GRIN2B: variants seen among roughly 807,000 people sequenced by gnomAD.
GRIN2B encodes the protein glutamate ionotropic receptor NMDA type subunit 2B.
In GRIN2B, 5 loss-of-function variants were observed where a neutral mutation model predicts 114.5. The observed-to-expected ratio is 0.04, with a 90% CI of 0.02 to 0.09. The LOEUF (loss-of-function observed/expected upper bound fraction) is 0.09. Ranked by LOEUF, GRIN2B falls within the 10% of genes least tolerant of loss-of-function variation. GRIN2B has a pLI of 1.00. For missense variants in GRIN2B, 1,108 were observed against 1,943.5 expected, an observed-to-expected ratio of 0.57 and a Z score of 8.08; for synonymous variants, 787 against 745.1, an observed-to-expected ratio of 1.06 and a Z score of -0.92.
chr12:13,939,388 C>T (rs1867192045), intron 2 of GRIN2B, among the ~76,000 whole-genome samples: 1 of 151,944 alleles, frequency 6.6e-6, no homozygotes. Flanking sequence ...CTGTGGTTCA[C>T]AGGAGATCTG....
intron 3 of GRIN2B, among the ~76,000 whole-genome samples, chr12:13,810,191 C>T (rs79136280): frequency 0.035 from 5,255 of 151,830 alleles, 95 homozygotes; most frequent in Middle Eastern, 0.12. Context: ...ACTTACTTTC[C>T]GCATAGTACT....
At chr12:13,739,931 A>G (rs1863252473) in intron 4 of GRIN2B, among the ~76,000 whole-genome samples, 1 of 152,218 alleles carries the variant, frequency 6.6e-6, no homozygotes, top group African/African-American at 2.4e-5. Context: ...GAGTGAGCCC[A>G]CAAAGTGTGG....
chr12:13,700,767 G>T (rs1565505460), intron 4 of GRIN2B, among the ~76,000 whole-genome samples: 1 of 152,156 alleles, frequency 6.6e-6, no homozygotes, highest in Non-Finnish European at 1.5e-5. Flanking sequence ...CTGTGAAATT[G>T]TTAGCAGATA....
rs146696341 is a variant in GRIN2B at position 13,655,974 on chromosome 12, G to C, written c.1125+19771C>G. Among the ~76,000 whole-genome samples the C allele has an allele frequency of 1.9e-4, 29 of 152,156 alleles. No individual in the cohort carries two copies. In the East Asian group the frequency reaches 4.7e-3, roughly 24 times the overall value. On this transcript the variant is annotated intron_variant, in intron 5 of 13. Transcript: ENST00000609686. Reference sequence around the variant, plus strand: ...GTCTGTGCTGTTCCTTACCTCTTTTGAGAAAACTCCACCTCCACTCCCTTC... The same window carrying C: ...GTCTGTGCTGTTCCTTACCTCTTTTCAGAAAACTCCACCTCCACTCCCTTC...
chr12:13,592,769 A>C (rs1169030657), intron 10 of GRIN2B, among the ~76,000 whole-genome samples: 1 of 152,186 alleles, frequency 6.6e-6, no homozygotes, highest in Non-Finnish European at 1.5e-5. Flanking sequence ...CACATCCACA[A>C]AATCAAAAGC....
At chr12:13,931,622 A>G (rs1361381064) in intron 2 of GRIN2B, among the ~76,000 whole-genome samples, 1 of 152,190 alleles carries the variant, frequency 6.6e-6, no homozygotes, top group East Asian at 1.9e-4. Context: ...ACTTCTTCAA[A>G]CCTCAAGATT....
chr12:13,672,352 A>C (rs1950030047), intron 5 of GRIN2B, among the ~76,000 whole-genome samples: 2 of 152,222 alleles, frequency 1.3e-5, no homozygotes, highest in Middle Eastern at 3.4e-3. Context: ...TCCCCTGCTT[A>C]TCTGTCCAGT....
At chr12:13,930,329 G>A (rs1458663533) in intron 2 of GRIN2B, among the ~76,000 whole-genome samples, 2 of 152,176 alleles carry the variant, frequency 1.3e-5, no homozygotes, top group Admixed American at 1.3e-4. Context: ...TTCAATGGGG[G>A]CATTTGGCCA....
chr12:13,744,831 C>T (rs374774115), intron 4 of GRIN2B, among the ~76,000 whole-genome samples: 2 of 152,114 alleles, frequency 1.3e-5, no homozygotes, highest in South Asian at 2.1e-4. Context: ...CGGAAGAGGA[C>T]GCGCCACCAA....
rs766946947 is a variant in GRIN2B, at chr12:13,563,900, G to A, written c.3338C>T (p.Pro1113Leu). 8 of 1,614,018 alleles carry A rather than the reference G, an allele frequency of 5.0e-6. No homozygotes were observed. Among genetic ancestry groups the A allele is most frequent in the African/African-American group, 4.0e-5 (3 of 74,912 alleles). ...GCGCTTGTGGTCAGGGGAGCGGGGC[G>A]GTCGGCGACGGTAGGCCAGCTCGAT... ...DEIELAYRRR[P>L]PRSPDHKRYF... The change falls in exon 14 of 14, where the codon CCG becomes CTG. Residue 1113 changes from proline (P) to leucine (L), a missense_variant. Pro to Leu is a moderately conservative substitution (Grantham distance 98). Transcript: ENST00000609686.
intron 4 of GRIN2B, among the ~76,000 whole-genome samples, chr12:13,751,159 G>A (rs150854481): frequency 3.0e-3 from 456 of 152,260 alleles, no homozygotes; most frequent in African/African-American, 0.01. Context: ...ACTAAGCTCA[G>A]TGTTGCAGGA....
intron 2 of GRIN2B, among the ~76,000 whole-genome samples, chr12:13,926,337 A>G (rs1262558582): frequency 6.6e-6 from 1 of 152,056 alleles, no homozygotes; most frequent in East Asian, 1.9e-4. Context: ...ACCTTATTGA[A>G]TCTCGGGGCT....
chr12:13,673,904 C>T (rs1457263098), intron 5 of GRIN2B, among the ~76,000 whole-genome samples: 1 of 152,088 alleles, frequency 6.6e-6, no homozygotes, highest in Non-Finnish European at 1.5e-5. Flanking sequence ...TAGAGACAGA[C>T]AGAAGTGCCT....
At chr12:13,696,755 C>T (rs1950263127) in intron 4 of GRIN2B, among the ~76,000 whole-genome samples, 1 of 152,152 alleles carries the variant, frequency 6.6e-6, no homozygotes, top group Non-Finnish European at 1.5e-5. Context: ...CTCTTTCATC[C>T]TGTTTTCCTG....
intron 2 of GRIN2B, among the ~76,000 whole-genome samples, chr12:13,928,883 T>C (rs1400537157): frequency 6.6e-6 from 1 of 152,228 alleles, no homozygotes; most frequent in Non-Finnish European, 1.5e-5. Context: ...CCCAGGACAA[T>C]GACAATAACT....
At chr12:13,660,526 C>T (rs1466132105) in intron 5 of GRIN2B, among the ~76,000 whole-genome samples, 1 of 152,162 alleles carries the variant, frequency 6.6e-6, no homozygotes, top group Non-Finnish European at 1.5e-5. Context: ...GCCTCCTTCT[C>T]GTGGACTTTG....
intron 3 of GRIN2B, among the ~76,000 whole-genome samples, chr12:13,795,952 G>T (rs1373694601): frequency 6.6e-6 from 1 of 151,972 alleles, no homozygotes; most frequent in Non-Finnish European, 1.5e-5. Flanking sequence ...GGATGGGGGA[G>T]GGATAACATT....
chr12:13,970,726 T>C (rs369722043), intron 2 of GRIN2B, among the ~76,000 whole-genome samples: 8 of 88,060 alleles, frequency 9.1e-5, no homozygotes, highest in South Asian at 3.4e-4. Flanking sequence ...CACACACACA[T>C]CCAGTATTTC....
rs551480831 is a variant in GRIN2B at position 13,649,387 on chromosome 12, G to A, written c.1125+26358C>T. ...TTAGCAAGAGGTCAACTGGTGCTGA[G>A]AACAGCTTACAATTGGTTCCTATGA... On this transcript the variant is annotated intron_variant, in intron 5 of 13. Coordinates refer to ENST00000609686, the MANE Select transcript of GRIN2B (RefSeq NM_000834.5). 3.7e-4 allele frequency among the ~76,000 whole-genome samples: 57 copies of A among 152,102 alleles called. No homozygotes were observed. In the South Asian group the frequency reaches 0.011, roughly 30 times the overall value.
Sources: allele counts gnomAD v4.1 joint callset (sites outside exome capture counted in the v4.1 genomes callset), GRCh38; gene constraint gnomAD v4.1.1; transcripts MANE v1.5; gene names NCBI Gene and HGNC (gene_info 2026-07-23, HGNC 2026-07-21).